GHR: variants seen among roughly 807,000 people sequenced by gnomAD.
The protein encoded by GHR is GH receptor.
GHR carries 35 observed loss-of-function variants against 67.1 expected under a neutral mutation model. The ratio of observed to expected loss-of-function variants is 0.52; its 90% CI spans 0.40 to 0.69. The LOEUF is 0.69. Ranked by LOEUF, GHR falls within the 30% of genes least tolerant of loss-of-function variation. GHR has a pLI of 0.00. For synonymous variants in GHR, 272 were observed against 269.1 expected (o/e 1.01, Z -0.10); for missense variants, 792 against 764.6 (o/e 1.04, Z -0.42).
intron 3 of GHR, among the ~76,000 whole-genome samples, chr5:42,642,810 C>T (rs1754545475): frequency 6.6e-6 from 1 of 152,140 alleles, no homozygotes; most frequent in Non-Finnish European, 1.5e-5. Flanking sequence ...TCTGGAGGCT[C>T]TGAGGAAATT....
chr5:42,536,621 T>C (rs1026718599), intron 1 of GHR, among the ~76,000 whole-genome samples: 2 of 152,128 alleles, frequency 1.3e-5, no homozygotes, highest in African/African-American at 2.4e-5. Flanking sequence ...CGGTCTGTAG[T>C]TTTCTTTTTT....
chr5:42,492,302 G>T (rs1746148569), intron 1 of GHR, among the ~76,000 whole-genome samples: 1 of 152,204 alleles, frequency 6.6e-6, no homozygotes, highest in Admixed American at 6.5e-5. Context: ...GGAATGAGAA[G>T]ATTAGGAAAG....
intron 7 of GHR, among the ~76,000 whole-genome samples, chr5:42,712,468 G>A (rs1758510257): frequency 6.6e-6 from 1 of 152,034 alleles, no homozygotes; most frequent in African/African-American, 2.4e-5. Flanking sequence ...ATATGTCATT[G>A]ATATGAAATT....
intron 2 of GHR, among the ~76,000 whole-genome samples, chr5:42,592,699 T>C (rs1396883773): frequency 6.6e-6 from 1 of 152,224 alleles, no homozygotes; most frequent in Non-Finnish European, 1.5e-5. Context: ...GTCTTTGTTA[T>C]TGTGAATAGA....
In GHR at chr5:42,474,257, C is replaced by CAGAAAGAAAGAAAGAAAGAAAGAAAGAA. The variant is rs202146050; in HGVS notation, c.-12+50304_-12+50331dup. Among the ~76,000 whole-genome samples, 414 of 88,016 alleles carry CAGAAAGAAAGAAAGAAAGAAAGAAAGAA rather than the reference C, an allele frequency of 4.7e-3. 5 individuals carry two copies. Among genetic ancestry groups the CAGAAAGAAAGAAAGAAAGAAAGAAAGAA allele is most frequent in the Non-Finnish European group, 6.8e-3 (289 of 42,474 alleles). The allele number at this position is 88,016 out of a possible 152,430, so 57.7% of individuals were successfully genotyped here. A position where few individuals can be genotyped will look rare whatever the true frequency, so the allele number is the denominator to read the frequency against. On this transcript the variant is annotated intron_variant, in intron 1 of 9. Transcript: ENST00000230882. ...AGAAAGAAAGAGAGAGAAAGACAGA[C>CAGAAAGAAAGAAAGAAAGAAAGAAAGAA]AGAAAGAAAGAAAGAAAGAAAGAAA...
intron 1 of GHR, among the ~76,000 whole-genome samples, chr5:42,471,219 G>A (rs1744998583): frequency 6.6e-6 from 1 of 152,120 alleles, no homozygotes; most frequent in Admixed American, 6.5e-5. Context: ...CTGGCAATAG[G>A]TCAACTGGCT....
intron 3 of GHR, among the ~76,000 whole-genome samples, chr5:42,636,559 C>G (rs1219477682): frequency 6.6e-6 from 1 of 151,944 alleles, no homozygotes; most frequent in Non-Finnish European, 1.5e-5. Flanking sequence ...CCCGAGAGAG[C>G]CCTAGCTTCT....
At chr5:42,499,570 T>G (rs1053493582) in intron 1 of GHR, among the ~76,000 whole-genome samples, 1 of 152,184 alleles carries the variant, frequency 6.6e-6, no homozygotes, top group Non-Finnish European at 1.5e-5. Context: ...TTGTTGTTGT[T>G]GTGGTTGTTG....
chr5:42,644,096 C>A (rs1388532223), intron 3 of GHR, among the ~76,000 whole-genome samples: 1 of 151,754 alleles, frequency 6.6e-6, no homozygotes, highest in Non-Finnish European at 1.5e-5. Flanking sequence ...TAGATTTAAG[C>A]AAGATGATCA....
chr5:42,476,970 G>T (rs986582350), intron 1 of GHR, among the ~76,000 whole-genome samples: 1 of 152,030 alleles, frequency 6.6e-6, no homozygotes, highest in East Asian at 1.9e-4. Flanking sequence ...CCATGTTGGT[G>T]TGCTGCACCC....
In GHR at chr5:42,583,878, G is replaced by GATAT. The variant is rs138386131; in HGVS notation, c.70+17950_70+17953dup. ...AAAGATATATATATCTTTAAATAAAGATATATATATATATATATAAATTCT... is the reference window on the plus strand; with the variant it reads ...AAAGATATATATATCTTTAAATAAAGATATATATATATATATATATATAAATTCT... On this transcript the variant is annotated intron_variant, in intron 2 of 9. Coordinates refer to ENST00000230882, the MANE Select transcript of GHR (RefSeq NM_000163.5). 2.1e-3 allele frequency among the ~76,000 whole-genome samples: 297 copies of GATAT among 138,964 alleles called. 8 individuals are homozygous for GATAT. The East Asian group carries it at 0.033, about 16-fold the overall frequency. 91.2% of individuals were successfully genotyped at this position (138,964 alleles called of 152,430 possible).
chr5:42,688,779 A>C (rs756736646), intron 3 of GHR, 111 bp from the exon 4 acceptor site: 16 of 1,015,602 alleles, frequency 1.6e-5, no homozygotes, highest in Non-Finnish European at 2.5e-5. Context: ...TAGACACGGA[A>C]TACACTGGCT....
chr5:42,685,783 A>G (rs1464389574), intron 3 of GHR, among the ~76,000 whole-genome samples: 1 of 151,828 alleles, frequency 6.6e-6, no homozygotes, highest in Non-Finnish European at 1.5e-5. Context: ...CCACTTTTTG[A>G]TGGGGTTGTT....
chr5:42,699,790 T>C (rs1323441257), intron 5 of GHR, 34 bp from the exon 6 acceptor site: 2 of 1,429,996 alleles, frequency 1.4e-6, no homozygotes, highest in East Asian at 2.3e-5. Context: ...AAATTGTGTC[T>C]GTCTGTGTAC....
intron 3 of GHR, among the ~76,000 whole-genome samples, chr5:42,671,052 G>A (rs1756265689): frequency 6.6e-6 from 1 of 151,914 alleles, no homozygotes; most frequent in African/African-American, 2.4e-5. Flanking sequence ...ACTGAATACA[G>A]CAGCACATCA....
intron 3 of GHR, among the ~76,000 whole-genome samples, chr5:42,679,630 A>AT (rs1373612576): frequency 6.6e-6 from 1 of 152,096 alleles, no homozygotes; most frequent in Non-Finnish European, 1.5e-5. Flanking sequence ...TCTCAAAAAA[A>AT]AAAAAAGAAT....
chr5:42,549,926 A>G (rs2112414433), intron 1 of GHR, among the ~76,000 whole-genome samples: 1 of 152,354 alleles, frequency 6.6e-6, no homozygotes, highest in African/African-American at 2.4e-5. Flanking sequence ...TAATTACTCC[A>G]GGGCTCTTGT....
chr5:42,552,148 G>A (rs1165254218), intron 1 of GHR, among the ~76,000 whole-genome samples: 5 of 152,204 alleles, frequency 3.3e-5, no homozygotes, highest in Non-Finnish European at 1.5e-5. Flanking sequence ...ATAATTTCCT[G>A]AGTTATGTTG....
At chr5:42,552,219 G>T (rs978593822) in intron 1 of GHR, among the ~76,000 whole-genome samples, 2 of 152,190 alleles carry the variant, frequency 1.3e-5, no homozygotes, top group Non-Finnish European at 2.9e-5. Flanking sequence ...AATTCAGGAG[G>T]ACTGAAAACA....
Sources: gnomAD v4.1 joint callset for allele counts (sites outside exome capture counted in the v4.1 genomes callset) on GRCh38, gnomAD v4.1.1 for gene constraint, MANE v1.5 for transcripts, NCBI Gene and HGNC (gene_info 2026-07-23, HGNC 2026-07-21) for gene names.